The following CRYBG3 variants were observed in gnomAD, a reference collection of about 807,000 sequenced individuals.
CRYBG3 encodes the protein crystallin beta-gamma domain containing 3.
A neutral mutation model predicts 244.2 loss-of-function variants in CRYBG3; 127 were observed. That is an observed-to-expected ratio of 0.52 (90% CI 0.45 to 0.60). The LOEUF is 0.60. CRYBG3 is among the 20% of genes least tolerant of loss of function. CRYBG3 has a pLI of 0.00. For missense variants in CRYBG3, 3,325 were observed against 3,442.5 expected (o/e 0.97, Z 0.85); for synonymous variants, 1,132 against 1,195.8 (o/e 0.95, Z 1.10).
At chr3:97,826,237 T>G (rs1250628027) in intron 1 of CRYBG3, among the ~76,000 whole-genome samples, 1 of 152,170 alleles carries the variant, frequency 6.6e-6, no homozygotes, top group Non-Finnish European at 1.5e-5. Context: ...CAATAAGGTG[T>G]CTACCAGATG....
At chr3:97,892,709 T>C (rs2108233625) in intron 10 of CRYBG3, 151 bp from the exon 11 acceptor site, 1 of 482,216 alleles carries the variant, frequency 2.1e-6, no homozygotes, top group Admixed American at 4.3e-5. Flanking sequence ...CATAGTTTTT[T>C]GTAATACACC....
chr3:97,881,013 A>T, intron 6 of CRYBG3, 59 bp from the exon 7 acceptor site: 2 of 1,359,488 alleles, frequency 1.5e-6, no homozygotes, highest in South Asian at 1.7e-5. Context: ...TCTGTGACTT[A>T]TATGCCTTAT....
At position 97,899,134 on chromosome 3, in the gene CRYBG3, T is replaced by G; in HGVS notation, c.7845-3T>G. ...TTTTTGTTTTTTCTTTTTTCCCTAC[T>G]AGATGGGTTGCCTACCAGCAAAAGT... On this transcript the variant is annotated splice_polypyrimidine_tract_variant and splice_region_variant and intron_variant, in intron 13 of 21. Coordinates refer to ENST00000389622, the MANE Select transcript of CRYBG3 (RefSeq NM_153605.4). 6.2e-7 allele frequency: 1 copy of G among 1,608,912 alleles called. No homozygotes were observed. The highest frequency in any genetic ancestry group is 8.5e-7 in the Non-Finnish European group (1 of 1,178,600).
At chr3:97,864,170 C>T in intron 2 of CRYBG3, 47 bp from the exon 3 acceptor site, 1 of 1,367,340 alleles carries the variant, frequency 7.3e-7, no homozygotes, top group Non-Finnish European at 9.7e-7. Context: ...CAGTCTGTTT[C>T]ATTATTTAAA....
intron 18 of CRYBG3, 120 bp from the exon 19 acceptor site, chr3:97,936,665 A>G (rs552964251): frequency 3.8e-5 from 39 of 1,024,890 alleles, no homozygotes; most frequent in Admixed American, 3.6e-4. Flanking sequence ...AAAATGTGCA[A>G]TTTTAAAAGT....
intron 1 of CRYBG3, among the ~76,000 whole-genome samples, chr3:97,837,281 AC>A (rs1465225306): frequency 6.6e-6 from 1 of 152,032 alleles, no homozygotes; most frequent in Non-Finnish European, 1.5e-5. Context: ...TACTTTTAGG[AC>A]TTCATCACGG....
rs1191923328 is a variant in CRYBG3 at position 97,886,771 on chromosome 3, C to T, written c.7289+4C>T. On this transcript the variant is annotated splice_donor_region_variant and intron_variant, in intron 8 of 21. Coordinates refer to ENST00000389622, the MANE Select transcript of CRYBG3 (RefSeq NM_153605.4). ...CCTTCACTGTGAAGTCAGGAGTGTA[C>T]GTATCAGTTCCTTTTTATTATAGTG... The T allele has an allele frequency of 1.1e-5, 17 of 1,563,890 alleles. No homozygotes were observed. The highest frequency in any genetic ancestry group is 4.5e-5 in the East Asian group (2 of 44,098).
intron 8 of CRYBG3, among the ~76,000 whole-genome samples, chr3:97,888,032 A>G (rs538050738): frequency 4.6e-5 from 7 of 152,336 alleles, no homozygotes; most frequent in South Asian, 2.1e-4. Context: ...TTTTCTAATT[A>G]TTTCCCACTT....
intron 12 of CRYBG3, among the ~76,000 whole-genome samples, chr3:97,897,149 T>G (rs1335464096): frequency 6.6e-6 from 1 of 152,032 alleles, no homozygotes; most frequent in African/African-American, 2.4e-5. Flanking sequence ...TTTTCAGACT[T>G]TACGCCTCTT....
chr3:97,911,680 C>T (rs1481073399), intron 15 of CRYBG3, among the ~76,000 whole-genome samples: 3 of 152,240 alleles, frequency 2.0e-5, no homozygotes, highest in Non-Finnish European at 4.4e-5. Flanking sequence ...TGTGCTCGTG[C>T]TCTCCTCTTC....
intron 7 of CRYBG3, among the ~76,000 whole-genome samples, chr3:97,881,641 G>A (rs950916121): frequency 2.0e-5 from 3 of 151,912 alleles, no homozygotes; most frequent in African/African-American, 4.8e-5. Context: ...ACTTGAACTC[G>A]GGACACGGAG....
Position 97,875,079 on chromosome 3 carries a change from G to GA in CRYBG3, c.3887dup (p.Asn1296LysfsTer9). On this transcript the variant is annotated frameshift_variant, in exon 4 of 22. Transcript: ENST00000389622. LOFTEE classifies it high-confidence loss of function. ...ATCTTCTTGTTGATCCTAATAGTAT[G>GA]AATGTATCTTGTTTGTTAGAAGATA... 6.5e-7 allele frequency: 1 copy of GA among 1,533,892 alleles called. No individual in the cohort carries two copies. The highest frequency in any genetic ancestry group is 1.2e-5 in the South Asian group (1 of 83,638).
chr3:97,842,397 T>C (rs191750119), intron 1 of CRYBG3, among the ~76,000 whole-genome samples: 1 of 151,964 alleles, frequency 6.6e-6, no homozygotes, highest in East Asian at 1.9e-4. Flanking sequence ...GACCCCCATC[T>C]CTACAAAAAA....
chr3:97,831,918 A>G (rs974081003), intron 1 of CRYBG3, among the ~76,000 whole-genome samples: 3 of 151,750 alleles, frequency 2.0e-5, no homozygotes, highest in African/African-American at 7.3e-5. Context: ...TTGCTTTACC[A>G]TCGTTTCCAT....
chr3:97,859,353 T>C (rs1368485512), intron 2 of CRYBG3, among the ~76,000 whole-genome samples: 3 of 152,190 alleles, frequency 2.0e-5, no homozygotes, highest in Non-Finnish European at 2.9e-5. Flanking sequence ...ATTGTCTACA[T>C]GTTGATCTTG....
intron 17 of CRYBG3, among the ~76,000 whole-genome samples, chr3:97,932,329 T>C (rs989808167): frequency 3.3e-5 from 5 of 152,084 alleles, no homozygotes; most frequent in Non-Finnish European, 5.9e-5. Flanking sequence ...CTCCCCATTC[T>C]TTTTTACAGC....
In CRYBG3 at chr3:97,891,704, A is replaced by G. The variant is rs1207258855; in HGVS notation, c.7441-1156A>G. Reference sequence around the variant, plus strand: ...GTTTTTGTTAAGATTAGGGGAAAAAAAGAAGCCAGAAGGAGGCAACTCAGG... The same window carrying G: ...GTTTTTGTTAAGATTAGGGGAAAAAGAGAAGCCAGAAGGAGGCAACTCAGG... On this transcript the variant is annotated intron_variant, in intron 10 of 21. Transcript: ENST00000389622. 2.0e-5 allele frequency among the ~76,000 whole-genome samples: 3 copies of G among 152,092 alleles called. No individual in the cohort carries two copies. In the East Asian group the frequency reaches 5.8e-4, roughly 29 times the overall value.
intron 19 of CRYBG3, among the ~76,000 whole-genome samples, chr3:97,939,569 T>C (rs2040202622): frequency 6.6e-6 from 1 of 152,070 alleles, no homozygotes; most frequent in Admixed American, 6.6e-5. Flanking sequence ...ATAAGGGTAA[T>C]TAGTACCTTG....
chr3:97,839,893 A>ATT lies in CRYBG3; in HGVS notation c.150-3297_150-3296dup, dbSNP rs2038788314. Among the ~76,000 whole-genome samples, 7 of 152,096 alleles carry ATT rather than the reference A, an allele frequency of 4.6e-5. No individual in the cohort carries two copies. The South Asian group carries it at 1.5e-3, about 32-fold the overall frequency. ...ACCGCACCTGGCCTGGTTATAGATT[A>ATT]TTTTTTAAAATTTGTCTAACAAATA... On this transcript the variant is annotated intron_variant, in intron 1 of 21. Coordinates refer to ENST00000389622, the MANE Select transcript of CRYBG3 (RefSeq NM_153605.4).
Sources: gnomAD v4.1 joint callset for allele counts (sites outside exome capture counted in the v4.1 genomes callset) on GRCh38, gnomAD v4.1.1 for gene constraint, MANE v1.5 for transcripts, NCBI Gene and HGNC (gene_info 2026-07-23, HGNC 2026-07-21) for gene names.